Variants in BNC2 observed in about 807,000 individuals in gnomAD.
BNC2 encodes the protein zinc finger protein basonuclin-2.
BNC2 carries 20 observed loss-of-function variants against 76.3 expected under a neutral mutation model. That is an observed-to-expected ratio of 0.26 (90% confidence interval 0.18 to 0.38). BNC2 has a LOEUF of 0.38. BNC2 is among the 10% of genes least tolerant of loss of function. The pLI, the probability that BNC2 is intolerant of heterozygous loss-of-function variation, is 1.00. For missense variants in BNC2, 1,382 were observed against 1,399.8 expected (o/e 0.99, Z 0.20); for synonymous variants, 582 against 514.8 (o/e 1.13, Z -1.77).
chr9:16,430,062 G>T, intron 6 of BNC2: 1 of 469,504 alleles, frequency 2.1e-6, no homozygotes, highest in Non-Finnish European at 4.3e-6. Flanking sequence ...AGTTTTGCTT[G>T]AGGAGGGCAC....
At chr9:16,590,965 T>C (rs1187436432) in intron 3 of BNC2, among the ~76,000 whole-genome samples, 4 of 152,152 alleles carry the variant, frequency 2.6e-5, no homozygotes. Context: ...CAGAGAGTGA[T>C]CTTATAAACA....
rs1040888150 is a variant in BNC2 at position 16,659,435 on chromosome 9, C to T, written c.330+68362G>A. On this transcript the variant is annotated intron_variant, in intron 3 of 6. Coordinates refer to ENST00000380672, the MANE Select transcript of BNC2 (RefSeq NM_017637.6). The stretch of plus-strand genomic sequence containing the variant: ...CCATCCTGGCCAACATGGTGAAACC[C>T]CATCTCTACTAAAAACACAAAAATT... 3.9e-5 allele frequency among the ~76,000 whole-genome samples: 6 copies of T among 151,922 alleles called. No individual in the cohort carries two copies. The South Asian group carries it at 8.3e-4, about 21-fold the overall frequency.
At chr9:16,461,160 T>G (rs142535107) in intron 5 of BNC2, among the ~76,000 whole-genome samples, 1 of 152,200 alleles carries the variant, frequency 6.6e-6, no homozygotes. Context: ...AATAACAGAA[T>G]AAATTTTCGG....
chr9:16,638,617 T>C (rs557134555), intron 3 of BNC2, among the ~76,000 whole-genome samples: 6 of 152,246 alleles, frequency 3.9e-5, no homozygotes, highest in South Asian at 4.1e-4. Flanking sequence ...CCCTTACATA[T>C]AGGTTATGTT....
chr9:16,807,298 C>T (rs887365968), intron 1 of BNC2, among the ~76,000 whole-genome samples: 1 of 152,056 alleles, frequency 6.6e-6, no homozygotes, highest in African/African-American at 2.4e-5. Context: ...TTTTAAGTAT[C>T]AGAACACAAC....
rs1821000399 is a variant in BNC2, at chr9:16,435,897, G to C, written c.2297C>G (p.Pro766Arg). Residue 766 changes from proline to arginine, a missense_variant, in exon 6 of 7, where the codon CCC (proline) becomes CGC (arginine). Pro to Arg is a moderately radical substitution (Grantham distance 103). Coordinates refer to ENST00000380672, the MANE Select transcript of BNC2 (RefSeq NM_017637.6). The part of the protein sequence containing the change: ...SERPDENHSE[P>R]SHQDVIKVKE... Reference sequence around the variant, plus strand: ...CACCTTGATGACGTCCTGGTGAGAGGGCTCACTGTGGTTCTCATCAGGCCT... The same window carrying C: ...CACCTTGATGACGTCCTGGTGAGAGCGCTCACTGTGGTTCTCATCAGGCCT... The C allele has an allele frequency of 6.2e-7, 1 of 1,613,782 alleles. No homozygotes were observed. The highest frequency in any genetic ancestry group is 8.5e-7 in the Non-Finnish European group (1 of 1,179,898).
intron 2 of BNC2, among the ~76,000 whole-genome samples, chr9:16,734,469 T>C (rs1209674911): frequency 6.6e-6 from 1 of 152,016 alleles, no homozygotes; most frequent in Admixed American, 6.6e-5. Flanking sequence ...AAGAGTCCAT[T>C]AGAATTATAC....
At chr9:16,570,843 T>C (rs561980769) in intron 4 of BNC2, among the ~76,000 whole-genome samples, 4 of 152,130 alleles carry the variant, frequency 2.6e-5, no homozygotes, top group African/African-American at 4.8e-5. Flanking sequence ...ATCACACATA[T>C]TTAATGGAGC....
intron 3 of BNC2, among the ~76,000 whole-genome samples, chr9:16,713,691 G>A (rs115928499): frequency 0.016 from 2,408 of 151,964 alleles, 61 homozygotes; most frequent in African/African-American, 0.054. Context: ...GCTTTCCCCC[G>A]CCCTTTTTTT....
rs561985506 is a variant in BNC2, at chr9:16,826,870, T to C, written c.3+43776A>G. ...GGATGGATGAATACACAGAGCTATC[T>C]AAATAAGAAAAAAATTTTCTAAATG... On this transcript the variant is annotated intron_variant, in intron 1 of 6. Transcript: ENST00000380672. Among the ~76,000 whole-genome samples the C allele has an allele frequency of 6.4e-4, 98 of 152,250 alleles. 1 individual carries two copies. Among genetic ancestry groups the C allele is most frequent in the African/African-American group, 2.3e-3 (97 of 41,558 alleles).
chr9:16,861,201 T>TATAA (rs1554752613), intron 1 of BNC2, among the ~76,000 whole-genome samples: 1 of 105,566 alleles, frequency 9.5e-6, no homozygotes, highest in African/African-American at 3.2e-5. Context: ...TATATATATA[T>TATAA]AAATTAACCA....
At chr9:16,562,040 G>C (rs1214665505) in intron 4 of BNC2, among the ~76,000 whole-genome samples, 1 of 151,968 alleles carries the variant, frequency 6.6e-6, no homozygotes, top group Non-Finnish European at 1.5e-5. Flanking sequence ...ATTAATAAAG[G>C]CTCATATTTC....
intron 1 of BNC2, among the ~76,000 whole-genome samples, chr9:16,777,914 C>T (rs1586875766): frequency 6.6e-6 from 1 of 152,190 alleles, no homozygotes; most frequent in Non-Finnish European, 1.5e-5. Context: ...TGTTACTAAA[C>T]ACTGAAAATA....
intron 1 of BNC2, among the ~76,000 whole-genome samples, chr9:16,749,230 G>A (rs950000082): frequency 1.3e-5 from 2 of 152,032 alleles, no homozygotes; most frequent in South Asian, 2.1e-4. Flanking sequence ...AAATGTACAA[G>A]TTAAATAAAA....
At position 16,780,401 on chromosome 9, in the gene BNC2, G is replaced by A. The variant is rs556491077; in HGVS notation, c.4-41916C>T. Among the ~76,000 whole-genome samples the A allele has an allele frequency of 4.0e-5, 6 of 151,160 alleles. No homozygotes were observed. In the South Asian group the frequency reaches 1.3e-3, roughly 32 times the overall value. The stretch of plus-strand genomic sequence containing the variant: ...ATCCTGGCCAACATGGGGAAACCCC[G>A]TCTCTACTAAAAATACAAAAATTAT... On this transcript the variant is annotated intron_variant, in intron 1 of 6. Transcript: ENST00000380672.
At chr9:16,492,153 TA>T (rs140276285) in intron 5 of BNC2, among the ~76,000 whole-genome samples, 6,254 of 146,826 alleles carry the variant, frequency 0.043, 139 homozygotes, top group Middle Eastern at 0.086. Context: ...TCCCCACCCT[TA>T]AAAAAAAAAC....
At chr9:16,631,639 A>G (rs1488994941) in intron 3 of BNC2, among the ~76,000 whole-genome samples, 2 of 152,246 alleles carry the variant, frequency 1.3e-5, no homozygotes, top group African/African-American at 4.8e-5. Context: ...GCAAATACTT[A>G]TTAACTGATT....
At chr9:16,516,745 T>C (rs981914783) in intron 5 of BNC2, among the ~76,000 whole-genome samples, 2 of 152,194 alleles carry the variant, frequency 1.3e-5, no homozygotes, top group Non-Finnish European at 2.9e-5. Context: ...TATAGTTTTA[T>C]CTTAATAAAA....
At chr9:16,485,389 A>G (rs1487357425) in intron 5 of BNC2, among the ~76,000 whole-genome samples, 1 of 152,158 alleles carries the variant, frequency 6.6e-6, no homozygotes, top group Non-Finnish European at 1.5e-5. Context: ...AGGGATGTTC[A>G]TTAAGCATCT....
Sources: allele counts gnomAD v4.1 joint callset (sites outside exome capture counted in the v4.1 genomes callset), GRCh38; gene constraint gnomAD v4.1.1; transcripts MANE v1.5; gene names NCBI Gene and HGNC (gene_info 2026-07-23, HGNC 2026-07-21).